Variants in RNF212B observed in about 807,000 individuals in gnomAD.
RNF212B encodes ring finger protein 212B.
In RNF212B, 52 loss-of-function variants were observed where a neutral mutation model predicts 55.5. The ratio of observed to expected loss-of-function variants is 0.94; its 90% confidence interval spans 0.75 to 1.18. The LOEUF (loss-of-function observed/expected upper bound fraction) is 1.18, where lower values mean the gene tolerates loss of function less well. Among genes scored for constraint, RNF212B ranks in the 50% most tolerant of loss-of-function variants. The pLI, the probability that RNF212B is intolerant of heterozygous loss-of-function variation, is 0.00. For synonymous variants in RNF212B, 99 were observed against 121.4 expected (o/e 0.82, Z 1.21); for missense variants, 289 against 350.4 (o/e 0.82, Z 1.40).
chr14:23,241,233 A>G (rs749581014), intron 2 of RNF212B, among the ~76,000 whole-genome samples: 1 of 152,166 alleles, frequency 6.6e-6, no homozygotes, highest in Non-Finnish European at 1.5e-5. Context: ...GCATGTACAA[A>G]GACATATTAC....
intron 14 of RNF212B, among the ~76,000 whole-genome samples, chr14:23,271,894 G>T (rs1039733980): frequency 2.0e-5 from 3 of 152,166 alleles, no homozygotes; most frequent in African/African-American, 7.2e-5. Context: ...TAACATTGGA[G>T]AGTTTTTTGG....
In RNF212B at chr14:23,262,661, G is replaced by C; in HGVS notation, c.435-4G>C. 6 of 1,539,696 alleles carry C rather than the reference G, an allele frequency of 3.9e-6. No homozygotes were observed. The highest frequency in any genetic ancestry group is 5.2e-6 in the Non-Finnish European group (6 of 1,143,426). On this transcript the variant is annotated splice_polypyrimidine_tract_variant and splice_region_variant and intron_variant, in intron 7 of 14. Transcript: ENST00000430154. ...AGAGCCGCCTCTTTTTTTTTCCCTT[G>C]CAGGTCAATCACACCTCGACCAGTG...
intron 1 of RNF212B, among the ~76,000 whole-genome samples, chr14:23,187,120 C>G (rs1374158821): frequency 6.6e-6 from 1 of 152,150 alleles, no homozygotes; most frequent in East Asian, 1.9e-4. Context: ...AATATCGGAG[C>G]CACTGTTTCA....
upstream of RNF212B, among the ~76,000 whole-genome samples, chr14:23,233,562 CAAAAAAA>C (rs35654046): frequency 2.5e-3 from 145 of 58,396 alleles, no homozygotes; most frequent in African/African-American, 9.3e-3. Flanking sequence ...CCCATCTCTA[CAAAAAAA>C]AAAAAAAAAA....
chr14:23,262,058 T>TGG (rs1355894724), intron 7 of RNF212B, among the ~76,000 whole-genome samples: 1 of 152,226 alleles, frequency 6.6e-6, no homozygotes, highest in Non-Finnish European at 1.5e-5. Context: ...TCCTGCATTA[T>TGG]GGATTAAAGA....
intron 2 of RNF212B, among the ~76,000 whole-genome samples, chr14:23,227,644 C>T (rs988816603): frequency 6.6e-6 from 1 of 152,122 alleles, no homozygotes; most frequent in Non-Finnish European, 1.5e-5. Context: ...CCCTGTCACC[C>T]AGGCTGGAGG....
chr14:23,222,786 C>G (rs1237754172), intron 2 of RNF212B, among the ~76,000 whole-genome samples: 1 of 152,116 alleles, frequency 6.6e-6, no homozygotes, highest in African/African-American at 2.4e-5. Context: ...GGTGAGGTGG[C>G]TCATACCTGT....
intron 2 of RNF212B, among the ~76,000 whole-genome samples, chr14:23,196,807 A>C (rs1012145204): frequency 1.3e-5 from 2 of 152,132 alleles, no homozygotes; most frequent in Non-Finnish European, 2.9e-5. Flanking sequence ...CCCTTAGCCT[A>C]GTTCACTGCT....
intron 2 of RNF212B, among the ~76,000 whole-genome samples, chr14:23,243,048 A>G (rs1417934264): frequency 2.0e-5 from 3 of 151,662 alleles, no homozygotes; most frequent in African/African-American, 7.3e-5. Context: ...AGCCCTACTT[A>G]TATCTCAACA....
At chr14:23,209,697 A>C (rs1042156900) in intron 2 of RNF212B, among the ~76,000 whole-genome samples, 1 of 152,174 alleles carries the variant, frequency 6.6e-6, no homozygotes, top group African/African-American at 2.4e-5. Flanking sequence ...TCTTTCAAAG[A>C]ATAGATGGAA....
intron 2 of RNF212B, among the ~76,000 whole-genome samples, chr14:23,242,884 C>T (rs1237234814): frequency 1.3e-5 from 2 of 150,528 alleles, no homozygotes; most frequent in African/African-American, 4.9e-5. Context: ...AAGGCTGAAG[C>T]AGGAGGATCA....
At chr14:23,212,677 G>T (rs1339569729) in intron 2 of RNF212B, among the ~76,000 whole-genome samples, 1 of 151,892 alleles carries the variant, frequency 6.6e-6, no homozygotes, top group Non-Finnish European at 1.5e-5. Flanking sequence ...CGCCTCCTGG[G>T]TTCACACTAT....
At chr14:23,243,111 T>C in intron 2 of RNF212B, 145 bp from the exon 3 acceptor site, 2 of 595,358 alleles carry the variant, frequency 3.4e-6, no homozygotes, top group South Asian at 4.6e-5. Context: ...GATGTCCTTT[T>C]ATAACACAAT....
intron 2 of RNF212B, among the ~76,000 whole-genome samples, chr14:23,208,026 G>C (rs1375003091): frequency 6.6e-6 from 1 of 152,180 alleles, no homozygotes; most frequent in Admixed American, 6.5e-5. Context: ...ATCTATATCA[G>C]TGAGTACAGG....
At chr14:23,229,164 T>C (rs1195278352) in intron 2 of RNF212B, among the ~76,000 whole-genome samples, 1 of 143,756 alleles carries the variant, frequency 7.0e-6, no homozygotes, top group African/African-American at 2.5e-5. Context: ...TTTTCAAGAT[T>C]CATCCATGTT....
intron 2 of RNF212B, among the ~76,000 whole-genome samples, chr14:23,224,055 C>T (rs1306757167): frequency 6.6e-6 from 1 of 152,020 alleles, no homozygotes; most frequent in African/African-American, 2.4e-5. Context: ...ATGAAGAAAA[C>T]TATAAAACAT....
chr14:23,245,037 TCC>T lies in RNF212B; in HGVS notation c.228+642_228+643del, dbSNP rs1488899439. Reference sequence around the variant, plus strand: ...CAAGTTGTAAAAACTTTGGTTTTTTTCCTTCTACTCCCCATTTCTCTTAGATT... The same window carrying T: ...CAAGTTGTAAAAACTTTGGTTTTTTTTTCTACTCCCCATTTCTCTTAGATT... On this transcript the variant is annotated intron_variant, in intron 4 of 14. Coordinates refer to ENST00000430154, the MANE Select transcript of RNF212B (RefSeq NM_001282322.3). Among the ~76,000 whole-genome samples the T allele has an allele frequency of 2.0e-4, 31 of 152,292 alleles. No homozygotes were observed. The East Asian group carries it at 4.0e-3, about 20-fold the overall frequency.
rs1475202326 is a variant in RNF212B at position 23,273,103 on chromosome 14, GT to G, written c.*215del. Reference sequence around the variant, plus strand: ...CAAAAGGCTAGTGCTTCAGGAAGATGTTTATATCTCTTCCAGAAGACACTGG... The same window carrying G: ...CAAAAGGCTAGTGCTTCAGGAAGATGTTATATCTCTTCCAGAAGACACTGG... On this transcript the variant is annotated 3_prime_UTR_variant, in exon 15 of 15. Transcript: ENST00000430154. The G allele has an allele frequency of 2.0e-5, 8 of 391,478 alleles. No homozygotes were observed. The East Asian group carries it at 3.3e-4, about 16-fold the overall frequency. The allele number at this position is 391,478 out of a possible 1,614,324, so 24.3% of individuals were successfully genotyped here.
intron 2 of RNF212B, among the ~76,000 whole-genome samples, chr14:23,212,567 T>C (rs1880628781): frequency 6.6e-6 from 1 of 151,874 alleles, no homozygotes; most frequent in Non-Finnish European, 1.5e-5. Context: ...TTAAATTTTA[T>C]TTTATTTTAT....
Sources: gnomAD v4.1 joint callset for allele counts (sites outside exome capture counted in the v4.1 genomes callset) on GRCh38, gnomAD v4.1.1 for gene constraint, MANE v1.5 for transcripts, NCBI Gene and HGNC (gene_info 2026-07-23, HGNC 2026-07-21) for gene names.